The following GALNT1 variants were observed in gnomAD, a reference collection of about 807,000 sequenced individuals.
GALNT1 encodes polypeptide N-acetylgalactosaminyltransferase 1, also known as GalNAc transferase 1.
GALNT1 carries 17 observed loss-of-function variants against 65.7 expected under a neutral mutation model. That is an observed-to-expected ratio of 0.26 (90% confidence interval 0.18 to 0.39). The LOEUF (loss-of-function observed/expected upper bound fraction) is 0.39. Ranked by LOEUF, GALNT1 falls within the 10% of genes least tolerant of loss-of-function variation. The pLI, the probability that GALNT1 is intolerant of heterozygous loss-of-function variation, is 1.00. For missense variants in GALNT1, 460 were observed against 672.8 expected, an observed-to-expected ratio of 0.68 and a Z score of 3.50; for synonymous variants, 210 against 219.7, an observed-to-expected ratio of 0.96 and a Z score of 0.39.
intron 3 of GALNT1, among the ~76,000 whole-genome samples, chr18:35,668,330 G>A (rs1475828058): frequency 2.0e-5 from 3 of 152,088 alleles, no homozygotes; most frequent in South Asian, 2.1e-4. Context: ...AAAAGGTGGC[G>A]TCATTACAGA....
At chr18:35,643,639 A>T in intron 1 of GALNT1, among the ~76,000 whole-genome samples, 1 of 152,012 alleles carries the variant, frequency 6.6e-6, no homozygotes, top group Non-Finnish European at 1.5e-5. Context: ...AGGCACCTGT[A>T]GTCCCAGCTA....
rs527700007 is a variant in GALNT1 at position 35,698,401 on chromosome 18, A to G, written c.1300-4496A>G. Among the ~76,000 whole-genome samples, 436 of 152,288 alleles carry G rather than the reference A, an allele frequency of 2.9e-3. 1 individual carries two copies. Among genetic ancestry groups the G allele is most frequent in the African/African-American group, 9.7e-3 (403 of 41,554 alleles). ...CGAGAATTGCTTGAACCTTGGGGGTAGAGGTTGCAGTGAGCCAAGATTGTG... is the reference window on the plus strand; with the variant it reads ...CGAGAATTGCTTGAACCTTGGGGGTGGAGGTTGCAGTGAGCCAAGATTGTG... On this transcript the variant is annotated intron_variant, in intron 9 of 11. Transcript: ENST00000269195.
At chr18:35,628,138 G>A (rs1400383596) in intron 1 of GALNT1, among the ~76,000 whole-genome samples, 1 of 152,296 alleles carries the variant, frequency 6.6e-6, no homozygotes, top group East Asian at 1.9e-4. Context: ...TCCACCTCTG[G>A]GGGCAGGGCA....
At position 35,711,701 on chromosome 18, in the gene GALNT1, G is replaced by A. The variant is rs2048352379; in HGVS notation, c.*1931G>A. The stretch of plus-strand genomic sequence containing the variant: ...AAGCTTAACAGCAATGTGATTTAAG[G>A]TTTTGTTTTAAATGGGAGATGTAAG... On this transcript the variant is annotated 3_prime_UTR_variant, in exon 12 of 12. Transcript: ENST00000269195. The A allele has an allele frequency of 6.6e-6, 1 of 152,140 alleles. No homozygotes were observed. Among genetic ancestry groups the A allele is most frequent in the Admixed American group, 6.6e-5 (1 of 15,256 alleles). 9.4% of individuals were successfully genotyped at this position (152,140 alleles called of 1,614,324 possible).
chr18:35,630,532 T>A (rs1227824930), intron 1 of GALNT1, among the ~76,000 whole-genome samples: 1 of 152,152 alleles, frequency 6.6e-6, no homozygotes, highest in Non-Finnish European at 1.5e-5. Flanking sequence ...CATACCAGAA[T>A]CTCTGGGACA....
At position 35,654,619 on chromosome 18, in the gene GALNT1, T is replaced by A; in HGVS notation, c.-44T>A. 9.3e-7 allele frequency: 1 copy of A among 1,075,408 alleles called. No individual in the cohort carries two copies. The allele number at this position is 1,075,408 out of a possible 1,614,324, so 66.6% of individuals were successfully genotyped here. On this transcript the variant is annotated 5_prime_UTR_variant, in exon 2 of 12. Transcript: ENST00000269195. Reference sequence around the variant, plus strand: ...AATAATTTTCATGATCTTTGTATATTTATATATATATATTTTTAAATTTTG... The same window carrying A: ...AATAATTTTCATGATCTTTGTATATATATATATATATATTTTTAAATTTTG...
At chr18:35,606,948 C>T (rs775252211) in intron 1 of GALNT1, among the ~76,000 whole-genome samples, 2 of 151,818 alleles carry the variant, frequency 1.3e-5, no homozygotes, top group Non-Finnish European at 2.9e-5. Context: ...ATTTATATCA[C>T]ATTCCAGAGG....
chr18:35,630,794 G>C (rs2046995620), intron 1 of GALNT1, among the ~76,000 whole-genome samples: 1 of 152,052 alleles, frequency 6.6e-6, no homozygotes, highest in Non-Finnish European at 1.5e-5. Flanking sequence ...CAACAAAATT[G>C]ATAGACCGCT....
At chr18:35,617,684 G>A (rs2046802216) in intron 1 of GALNT1, among the ~76,000 whole-genome samples, 2 of 152,074 alleles carry the variant, frequency 1.3e-5, no homozygotes, top group South Asian at 4.1e-4. Context: ...CCTTTAAAAT[G>A]AGAACATTTT....
At chr18:35,627,553 G>A (rs1248844972) in intron 1 of GALNT1, 1 of 152,294 alleles carries the variant, frequency 6.6e-6, no homozygotes, top group East Asian at 1.9e-4. Context: ...TGATCTTACA[G>A]CTAGCTTCTT....
intron 4 of GALNT1, among the ~76,000 whole-genome samples, chr18:35,682,769 C>G (rs1484172375): frequency 1.3e-5 from 2 of 151,968 alleles, no homozygotes; most frequent in Non-Finnish European, 2.9e-5. Flanking sequence ...CACTTTTTCT[C>G]TTTTCTTCTT....
chr18:35,632,850 A>G (rs1463326902), intron 1 of GALNT1, among the ~76,000 whole-genome samples: 1 of 152,244 alleles, frequency 6.6e-6, no homozygotes, highest in Non-Finnish European at 1.5e-5. Flanking sequence ...AAACAAATTT[A>G]CAAGAAAAAA....
At chr18:35,603,887 A>G (rs941080761) in intron 1 of GALNT1, among the ~76,000 whole-genome samples, 1 of 152,180 alleles carries the variant, frequency 6.6e-6, no homozygotes, top group Non-Finnish European at 1.5e-5. Flanking sequence ...AGTAATGCAG[A>G]ATTAGAATGT....
intron 1 of GALNT1, among the ~76,000 whole-genome samples, chr18:35,650,440 C>T (rs2047295384): frequency 6.6e-6 from 1 of 152,162 alleles, no homozygotes; most frequent in African/African-American, 2.4e-5. Context: ...TTGATAACAT[C>T]TTATCAGGAG....
intron 4 of GALNT1, 136 bp downstream of exon 4, chr18:35,677,893 T>C: frequency 3.3e-6 from 2 of 610,650 alleles, no homozygotes; most frequent in Non-Finnish European, 5.4e-6. Context: ...TTTGGATTCA[T>C]TCACATATGT....
At chr18:35,651,371 CT>C (rs1272164757) in intron 1 of GALNT1, among the ~76,000 whole-genome samples, 1 of 152,100 alleles carries the variant, frequency 6.6e-6, no homozygotes, top group Non-Finnish European at 1.5e-5. Flanking sequence ...AGGAAAAAAA[CT>C]TCAAAATGTA....
At chr18:35,698,967 G>C (rs2048109615) in intron 9 of GALNT1, among the ~76,000 whole-genome samples, 1 of 152,120 alleles carries the variant, frequency 6.6e-6, no homozygotes. Context: ...GGGCGACAGA[G>C]TGAGACTCTG....
chr18:35,670,712 T>A (rs2047622416), intron 3 of GALNT1, among the ~76,000 whole-genome samples: 1 of 152,210 alleles, frequency 6.6e-6, no homozygotes, highest in Admixed American at 6.5e-5. Flanking sequence ...TTAAGATTTC[T>A]TAGAAAACTG....
intron 1 of GALNT1, among the ~76,000 whole-genome samples, chr18:35,612,218 A>C (rs2046726506): frequency 6.6e-6 from 1 of 152,202 alleles, no homozygotes; most frequent in Admixed American, 6.5e-5. Context: ...TAATAACTTC[A>C]CACATGATTC....
Sources: gnomAD v4.1 joint callset for allele counts (sites outside exome capture counted in the v4.1 genomes callset) on GRCh38, gnomAD v4.1.1 for gene constraint, MANE v1.5 for transcripts, NCBI Gene and HGNC (gene_info 2026-07-23, HGNC 2026-07-21) for gene names.